The following HIP1 variants were observed in gnomAD, a reference collection of about 807,000 sequenced individuals.
HIP1 encodes huntingtin interacting protein 1, also known as huntingtin-interacting protein 1.
A neutral mutation model predicts 147.6 loss-of-function variants in HIP1; 65 were observed. The observed-to-expected ratio is 0.44, with a 90% confidence interval of 0.36 to 0.54. HIP1 has a LOEUF of 0.54. HIP1 is among the 20% of genes least tolerant of loss of function. HIP1 has a pLI of 0.00. For synonymous variants in HIP1, 479 were observed against 504.0 expected, an observed-to-expected ratio of 0.95 and a Z score of 0.67; for missense variants, 1,061 against 1,299.6, an observed-to-expected ratio of 0.82 and a Z score of 2.82.
chr7:75,728,821 A>G (rs1238194784), intron 1 of HIP1, among the ~76,000 whole-genome samples: 2 of 146,740 alleles, frequency 1.4e-5, no homozygotes, highest in Non-Finnish European at 3.0e-5. Context: ...GACAGGGACC[A>G]GGGACCAGGG....
At chr7:75,612,066 G>T (rs1055817710) in intron 1 of HIP1, among the ~76,000 whole-genome samples, 1 of 152,224 alleles carries the variant, frequency 6.6e-6, no homozygotes, top group Non-Finnish European at 1.5e-5. Context: ...CAGCCCTCGG[G>T]CTGCCAAGGC....
intron 4 of HIP1, 98 bp downstream of exon 4, chr7:75,591,958 G>T: frequency 1.0e-6 from 1 of 969,874 alleles, no homozygotes. Flanking sequence ...TCAACAAGCT[G>T]AAGGAGATGA....
intron 1 of HIP1, among the ~76,000 whole-genome samples, chr7:75,721,035 T>C (rs1224767336): frequency 6.6e-5 from 8 of 121,338 alleles, no homozygotes; most frequent in Non-Finnish European, 1.3e-4. Context: ...CAAAACTCCA[T>C]CTCAAAAAAA....
At chr7:75,639,562 C>CGTGTGTGTGTGT (rs57827695) in intron 1 of HIP1, among the ~76,000 whole-genome samples, 308 of 137,456 alleles carry the variant, frequency 2.2e-3, no homozygotes, top group African/African-American at 7.2e-3. Context: ...CGCCAGGAAG[C>CGTGTGTGTGTGT]GTGTGTGTGT....
At chr7:75,546,777 A>G in intron 25 of HIP1, among the ~76,000 whole-genome samples, 162 bp downstream of exon 25, 1 of 152,100 alleles carries the variant, frequency 6.6e-6, no homozygotes, top group East Asian at 1.9e-4. Context: ...GAGGTCCTGG[A>G]GCTCTGACTT....
intron 1 of HIP1, among the ~76,000 whole-genome samples, chr7:75,693,338 C>G (rs575562551): frequency 4.1e-4 from 62 of 151,910 alleles, no homozygotes; most frequent in Non-Finnish European, 7.4e-4. Context: ...CCCAAATATC[C>G]CATTGTTTAA....
At chr7:75,682,865 T>C (rs1408975056) in intron 1 of HIP1, among the ~76,000 whole-genome samples, 1 of 152,202 alleles carries the variant, frequency 6.6e-6, no homozygotes, top group Admixed American at 6.6e-5. Context: ...TGTGCTAATC[T>C]GTCCCCGCTC....
At chr7:75,716,951 G>T (rs1801343242) in intron 1 of HIP1, among the ~76,000 whole-genome samples, 1 of 151,978 alleles carries the variant, frequency 6.6e-6, no homozygotes, top group South Asian at 2.1e-4. Context: ...AAGTAGCTGG[G>T]ACTACAGGCG....
At chr7:75,732,168 CCT>C (rs1459333178) in intron 1 of HIP1, among the ~76,000 whole-genome samples, 3 of 152,054 alleles carry the variant, frequency 2.0e-5, no homozygotes, top group Non-Finnish European at 4.4e-5. Context: ...AGTCACTTAG[CCT>C]CTCTGAGCCT....
At chr7:75,586,014 C>T (rs1554499564) in intron 5 of HIP1, among the ~76,000 whole-genome samples, 1 of 151,046 alleles carries the variant, frequency 6.6e-6, no homozygotes, top group African/African-American at 2.4e-5. Context: ...CAGGATCTTG[C>T]TATGGCCCAG....
rs534042746 is a variant in HIP1 at position 75,699,543 on chromosome 7, A to G, written c.120+39258T>C. ...GAAAGAGTGAGTTCTCCATATAAAG[A>G]CATTCAGTTCCAAGTTTTAAAGAAC... On this transcript the variant is annotated intron_variant, in intron 1 of 30. Coordinates refer to ENST00000336926, the MANE Select transcript of HIP1 (RefSeq NM_005338.7). Among the ~76,000 whole-genome samples, 113 of 152,100 alleles carry G rather than the reference A, an allele frequency of 7.4e-4. 1 individual carries two copies. The highest frequency in any genetic ancestry group is 2.7e-3 in the African/African-American group (111 of 41,484).
At position 75,698,844 on chromosome 7, in the gene HIP1, G is replaced by T. The variant is rs1170956598; in HGVS notation, c.120+39957C>A. On this transcript the variant is annotated intron_variant, in intron 1 of 30. Transcript: ENST00000336926. ...TTAAAAAAAAAAAAATCTATTATATGCAAGGAGCGAGGAAGATAATATTCC... is the reference window on the plus strand; with the variant it reads ...TTAAAAAAAAAAAAATCTATTATATTCAAGGAGCGAGGAAGATAATATTCC... Among the ~76,000 whole-genome samples, 5 of 151,838 alleles carry T rather than the reference G, an allele frequency of 3.3e-5. No individual in the cohort carries two copies. The East Asian group carries it at 5.8e-4, about 18-fold the overall frequency.
chr7:75,535,633 T>C lies in HIP1; in HGVS notation c.*2539A>G, dbSNP rs1361717754. The C allele has an allele frequency of 1.1e-5, 2 of 183,334 alleles. No individual in the cohort carries two copies. Among genetic ancestry groups the C allele is most frequent in the Non-Finnish European group, 2.3e-5 (2 of 86,170 alleles). The allele number at this position is 183,334 out of a possible 1,614,324, so 11.4% of individuals were successfully genotyped here. A position where few individuals can be genotyped will look rare whatever the true frequency, so the allele number is the denominator to read the frequency against. ...TCTTGGCCTCCCAAAGTTCTGGGATTACAGGCATGCGCCACTGTGCCCGGC... is the reference window on the plus strand; with the variant it reads ...TCTTGGCCTCCCAAAGTTCTGGGATCACAGGCATGCGCCACTGTGCCCGGC... On this transcript the variant is annotated 3_prime_UTR_variant, in exon 31 of 31. Coordinates refer to ENST00000336926, the MANE Select transcript of HIP1 (RefSeq NM_005338.7).
intron 15 of HIP1, 79 bp downstream of exon 15, chr7:75,558,088 G>T: frequency 1.7e-6 from 2 of 1,172,002 alleles, no homozygotes; most frequent in South Asian, 1.2e-5. Context: ...TGCTGGCCCC[G>T]GGGAAGCCAC....
chr7:75,708,892 A>G lies in HIP1; in HGVS notation c.120+29909T>C, dbSNP rs956395180. On this transcript the variant is annotated intron_variant, in intron 1 of 30. Coordinates refer to ENST00000336926, the MANE Select transcript of HIP1 (RefSeq NM_005338.7). ...AGATGGGTTTTTCTGTTTCTGCAAA[A>G]ACATTATTGGGATTTTGATAGAGAT... Among the ~76,000 whole-genome samples, 11 of 152,216 alleles carry G rather than the reference A, an allele frequency of 7.2e-5. No individual in the cohort carries two copies. The South Asian group carries it at 2.3e-3, about 32-fold the overall frequency.
At chr7:75,583,161 C>T (rs1478965434) in intron 5 of HIP1, among the ~76,000 whole-genome samples, 2 of 152,130 alleles carry the variant, frequency 1.3e-5, no homozygotes, top group African/African-American at 4.8e-5. Flanking sequence ...TGCTCCCTCT[C>T]CTCCCCATCT....
chr7:75,555,839 T>C (rs1794981913), intron 18 of HIP1, among the ~76,000 whole-genome samples, 187 bp downstream of exon 18: 1 of 152,100 alleles, frequency 6.6e-6, no homozygotes, highest in Non-Finnish European at 1.5e-5. Context: ...AGCAGTTTGC[T>C]TTCCCTCATG....
intron 1 of HIP1, among the ~76,000 whole-genome samples, chr7:75,677,603 TAA>T (rs60860713): frequency 0.081 from 7,704 of 94,528 alleles, 381 homozygotes; most frequent in Admixed American, 0.2. Flanking sequence ...AGACTCCATC[TAA>T]AAAAAAAAAA....
rs374315756 is a variant in HIP1 at position 75,704,384 on chromosome 7, A to G, written c.120+34417T>C. 2.7e-3 allele frequency among the ~76,000 whole-genome samples: 407 copies of G among 151,728 alleles called. 1 individual carries two copies. Among genetic ancestry groups the G allele is most frequent in the African/African-American group, 5.9e-3 (246 of 41,368 alleles). ...CTCAGCCTCCCGAGTAGCTGGGATT[A>G]CAGGCGCCCAGCACCACGCCTGGCT... On this transcript the variant is annotated intron_variant, in intron 1 of 30. Transcript: ENST00000336926.
Sources: allele counts gnomAD v4.1 joint callset (sites outside exome capture counted in the v4.1 genomes callset), GRCh38; gene constraint gnomAD v4.1.1; transcripts MANE v1.5; gene names NCBI Gene and HGNC (gene_info 2026-07-23, HGNC 2026-07-21).